Variants in SLC4A1AP observed in about 807,000 individuals in gnomAD.
The protein encoded by SLC4A1AP is kanadaptin.
In SLC4A1AP, 64 loss-of-function variants were observed where a neutral mutation model predicts 89.7. The observed-to-expected ratio is 0.71, with a 90% CI of 0.58 to 0.88. The LOEUF (loss-of-function observed/expected upper bound fraction) is 0.88. Ranked by LOEUF, SLC4A1AP falls within the 40% of genes least tolerant of loss-of-function variation. The pLI is 0.00. For synonymous variants in SLC4A1AP, 366 were observed against 353.3 expected (o/e 1.04, Z -0.40); for missense variants, 931 against 965.0 (o/e 0.96, Z 0.47).
At chr2:27,688,588 T>C in intron 11 of SLC4A1AP, 112 bp from the exon 12 acceptor site, 2 of 706,608 alleles carry the variant, frequency 2.8e-6, no homozygotes, top group Non-Finnish European at 4.8e-6. Flanking sequence ...AGAATTGCAT[T>C]GTCATGAGCA....
intron 9 of SLC4A1AP, 76 bp from the exon 10 acceptor site, chr2:27,684,961 C>T (rs76388486): frequency 0.013 from 18,703 of 1,489,930 alleles, 602 homozygotes; most frequent in African/African-American, 0.12. Flanking sequence ...TACATTTAGA[C>T]TGACCTCCTT....
intron 5 of SLC4A1AP, among the ~76,000 whole-genome samples, chr2:27,669,834 G>T (rs1675393040): frequency 6.6e-6 from 1 of 152,006 alleles, no homozygotes; most frequent in Non-Finnish European, 1.5e-5. Context: ...GGGTCTATAG[G>T]TTGCACCACC....
intron 5 of SLC4A1AP, among the ~76,000 whole-genome samples, chr2:27,673,998 G>C (rs1675473740): frequency 5.7e-5 from 2 of 35,128 alleles, no homozygotes; most frequent in African/African-American, 2.4e-4. Flanking sequence ...AGTTGTGTGT[G>C]TGTGTGTGTG....
chr2:27,685,189 G>C, exon 10 of SLC4A1AP: 1 of 1,614,194 alleles, frequency 6.2e-7, no homozygotes, highest in Non-Finnish European at 8.5e-7. Flanking sequence ...GCCTCAGTAG[G>C]CCACAGCCAG....
chr2:27,687,385 C>T (rs904134820), intron 10 of SLC4A1AP, among the ~76,000 whole-genome samples: 2 of 151,702 alleles, frequency 1.3e-5, no homozygotes, highest in African/African-American at 2.4e-5. Flanking sequence ...GAGTTTGAAA[C>T]CAGCCTGGAC....
At chr2:27,668,618 T>G (rs1386357985) in intron 3 of SLC4A1AP, 1 of 677,206 alleles carries the variant, frequency 1.5e-6, no homozygotes, top group Non-Finnish European at 2.7e-6. Context: ...CCCGGCTAAT[T>G]TCTGTATTTT....
chr2:27,682,488 A>G (rs2148137701), intron 9 of SLC4A1AP, 129 bp downstream of exon 9: 2 of 536,998 alleles, frequency 3.7e-6, no homozygotes, highest in Non-Finnish European at 6.6e-6. Flanking sequence ...TGGGCTTGGT[A>G]TGATCACATC....
chr2:27,675,647 G>T (rs1675507742), exon 6 of SLC4A1AP: 4 of 1,604,418 alleles, frequency 2.5e-6, no homozygotes, highest in Non-Finnish European at 3.4e-6. Flanking sequence ...ACAGAATGAA[G>T]AAGGCTGGCA....
intron 5 of SLC4A1AP, among the ~76,000 whole-genome samples, chr2:27,669,689 T>C (rs1200770684): frequency 6.6e-6 from 1 of 152,042 alleles, no homozygotes; most frequent in Non-Finnish European, 1.5e-5. Context: ...ATCATGGATG[T>C]TGTTATTATT....
chr2:27,679,848 G>A (rs1482300750), intron 8 of SLC4A1AP, among the ~76,000 whole-genome samples: 2 of 152,102 alleles, frequency 1.3e-5, no homozygotes, highest in African/African-American at 4.8e-5. Context: ...AGACTGAATC[G>A]GAGATTCATC....
Position 27,665,273 on chromosome 2 carries a change from G to GA in SLC4A1AP, c.1000dup (p.Met334AsnfsTer15). 6.2e-7 allele frequency: 1 copy of GA among 1,611,080 alleles called. No individual in the cohort carries two copies. Among genetic ancestry groups the GA allele is most frequent in the Non-Finnish European group, 8.5e-7 (1 of 1,178,684 alleles). On this transcript the variant is annotated frameshift_variant, in exon 2 of 14. Transcript: ENST00000613058. LOFTEE classifies it high-confidence loss of function. Reference sequence around the variant, plus strand: ...TAAATGCTGGTAGCCAAGATGATGAGATGGGTTGCACCTGGGGAATGGGTA... The same window carrying GA: ...TAAATGCTGGTAGCCAAGATGATGAGAATGGGTTGCACCTGGGGAATGGGTA...
intron 10 of SLC4A1AP, 102 bp downstream of exon 10, chr2:27,685,379 T>C (rs1478136340): frequency 7.0e-7 from 1 of 1,435,390 alleles, no homozygotes; most frequent in African/African-American, 1.4e-5. Flanking sequence ...GCATTTGACT[T>C]TGTATGTGAT....
At chr2:27,689,596 C>G (rs1161239441) in intron 12 of SLC4A1AP, among the ~76,000 whole-genome samples, 1 of 152,174 alleles carries the variant, frequency 6.6e-6, no homozygotes, top group African/African-American at 2.4e-5. Flanking sequence ...ACTAAGGAAG[C>G]TCATTAGAGA....
At chr2:27,675,940 T>G (rs1219852218) in intron 6 of SLC4A1AP, among the ~76,000 whole-genome samples, 1 of 152,208 alleles carries the variant, frequency 6.6e-6, no homozygotes, top group Admixed American at 6.5e-5. Flanking sequence ...ATTAACATTC[T>G]TTGGATATGA....
In SLC4A1AP at chr2:27,664,281, A is replaced by G. The variant is rs1160453025; in HGVS notation, c.529A>G (p.Ile177Val). 7 of 1,614,108 alleles carry G rather than the reference A, an allele frequency of 4.3e-6. No individual in the cohort carries two copies. The Admixed American group carries it at 6.7e-5, about 15-fold the overall frequency. The change falls in exon 1 of 14, where the codon ATC becomes GTC. Residue 177 changes from isoleucine to valine, a missense_variant. Ile to Val is a conservative substitution (Grantham distance 29, BLOSUM62 3). Coordinates refer to ENST00000613058, the Ensembl canonical transcript of SLC4A1AP. Reference sequence around the variant, plus strand: ...CTTAGAGACCCTGAAGGGCGGCACTATCCTTGGCACCCGTAGCTTGAAAGG... The same window carrying G: ...CTTAGAGACCCTGAAGGGCGGCACTGTCCTTGGCACCCGTAGCTTGAAAGG...
At chr2:27,665,333 A>G (rs755564767) in intron 2 of SLC4A1AP, 38 bp downstream of exon 2, 1 of 1,538,614 alleles carries the variant, frequency 6.5e-7, no homozygotes, top group African/African-American at 1.4e-5. Flanking sequence ...TTAATATTTT[A>G]AGTTCATTAC....
At chr2:27,670,613 T>A (rs1452832874) in intron 5 of SLC4A1AP, among the ~76,000 whole-genome samples, 1 of 151,720 alleles carries the variant, frequency 6.6e-6, no homozygotes, top group African/African-American at 2.4e-5. Flanking sequence ...TCCCAGCACT[T>A]TGGGAGGCCA....
rs1421705420 is a variant in SLC4A1AP at position 27,669,342 on chromosome 2, G to A, written c.1300G>A (p.Ala434Thr). ...AGCAATGATCCAGTGCTCATTGGAA[G>A]CTTGTCGGATTCTTGACACTTTGGG... Residue 434 changes from alanine (A) to threonine (T), a missense_variant, in exon 5 of 14, where the codon GCT (alanine) becomes ACT (threonine). Coordinates refer to ENST00000613058, the Ensembl canonical transcript of SLC4A1AP. 6.2e-7 allele frequency: 1 copy of A among 1,613,260 alleles called. No homozygotes were observed. The highest frequency in any genetic ancestry group is 1.3e-5 in the African/African-American group (1 of 74,876).
At chr2:27,669,314 A>C in exon 5 of SLC4A1AP, 2 of 1,613,558 alleles carry the variant, frequency 1.2e-6, no homozygotes, top group Non-Finnish European at 1.7e-6. Flanking sequence ...GAAAGAAAAA[A>C]GAAGCAATGA....
Sources: allele counts gnomAD v4.1 joint callset (sites outside exome capture counted in the v4.1 genomes callset), GRCh38; gene constraint gnomAD v4.1.1; transcripts MANE v1.5; gene names NCBI Gene and HGNC (gene_info 2026-07-23, HGNC 2026-07-21).